Variants in THOC1 observed in about 807,000 individuals in gnomAD.
THOC1 encodes THO complex subunit 1.
A neutral mutation model predicts 97.3 loss-of-function variants in THOC1; 29 were observed. That is an observed-to-expected ratio of 0.30 (90% CI 0.22 to 0.41). The LOEUF is 0.41. Ranked by LOEUF, THOC1 falls within the 10% of genes least tolerant of loss-of-function variation. THOC1 has a pLI of 1.00. For synonymous variants in THOC1, 255 were observed against 257.0 expected (o/e 0.99, Z 0.07); for missense variants, 529 against 761.9 (o/e 0.69, Z 3.60).
At position 263,936 on chromosome 18, in the gene THOC1, T is replaced by C. The variant is rs778740256; in HGVS notation, c.256+90A>G. 5.0e-4 allele frequency: 491 copies of C among 977,878 alleles called. 1 individual carries two copies. Among genetic ancestry groups the C allele is most frequent in the Non-Finnish European group, 7.1e-4 (466 of 656,464 alleles). The allele number at this position is 977,878 out of a possible 1,614,324, so 60.6% of individuals were successfully genotyped here. ...AACTTGAAGAATAAACAAAATCAGA[T>C]AGGTGGAGAAGTATGGGGAGAAGAC... is the stretch of plus-strand genomic sequence containing the variant. On this transcript the variant is annotated intron_variant, in intron 4 of 20. Coordinates refer to ENST00000261600, the MANE Select transcript of THOC1 (RefSeq NM_005131.3).
chr18:265,345 A>G lies in THOC1; in HGVS notation c.147T>C (p.Cys49=), dbSNP rs759832580. 69 of 1,606,230 alleles carry G rather than the reference A, an allele frequency of 4.3e-5. No homozygotes were observed. Among genetic ancestry groups the G allele is most frequent in the Admixed American group, 8.5e-5 (5 of 58,768 alleles). ...QVPGSENEKK[C]TLDQAFRGIL... is the part of the protein sequence containing the mutation. ...TACCTCTGAAAGCTTGGTCAAGGGT[A>G]CATTTTTTTTCATTTTCACTATTAA... is the stretch of plus-strand genomic sequence containing the variant. Residue 49 remains cysteine, a synonymous_variant, in exon 3 of 21, where the codon TGT becomes TGC. Coordinates refer to ENST00000261600, the MANE Select transcript of THOC1 (RefSeq NM_005131.3).
intron 19 of THOC1, chr18:215,802 T>G (rs1910861274): frequency 3.2e-6 from 1 of 316,528 alleles, no homozygotes; most frequent in African/African-American, 2.1e-5. Flanking sequence ...GTTTATTTAG[T>G]AAAGACGGCC....
intron 11 of THOC1, chr18:245,773 T>C (rs919744455): frequency 2.0e-5 from 3 of 152,706 alleles, no homozygotes; most frequent in Non-Finnish European, 4.4e-5. Flanking sequence ...ATATTTATCT[T>C]GTTTCTGGAA....
chr18:251,654 C>CA (rs1431018393), intron 9 of THOC1, among the ~76,000 whole-genome samples: 2 of 152,134 alleles, frequency 1.3e-5, no homozygotes, highest in Non-Finnish European at 2.9e-5. Flanking sequence ...TCTAGGTAGT[C>CA]AGATTCCCTC....
At position 254,446 on chromosome 18, in the gene THOC1, CA is replaced by C; in HGVS notation, c.521-92del. 2 of 774,028 alleles carry C rather than the reference CA, an allele frequency of 2.6e-6. No individual in the cohort carries two copies. Among genetic ancestry groups the C allele is most frequent in the South Asian group, 3.1e-5 (2 of 64,092 alleles). 47.9% of individuals were successfully genotyped at this position (774,028 alleles called of 1,614,324 possible). On this transcript the variant is annotated intron_variant, in intron 7 of 20. Coordinates refer to ENST00000261600, the MANE Select transcript of THOC1 (RefSeq NM_005131.3). This position sits in a 1 kb window ranked among gnomAD's most constrained non-coding sequence, Gnocchi z 4.1. ...TGTCATAATCAAAACTACAAAATGCCAAATCCATAAAGAGCAGTCAAAATTA... is the reference window on the plus strand; with the variant it reads ...TGTCATAATCAAAACTACAAAATGCCAATCCATAAAGAGCAGTCAAAATTA...
At chr18:251,506 A>G (rs937616457) in intron 9 of THOC1, among the ~76,000 whole-genome samples, 7 of 152,286 alleles carry the variant, frequency 4.6e-5, no homozygotes, top group African/African-American at 1.4e-4. Context: ...GGAAGAAATT[A>G]TGGAAAGTCT....
chr18:247,703 T>C (rs1249834560), intron 10 of THOC1, 146 bp downstream of exon 10: 2 of 591,454 alleles, frequency 3.4e-6, no homozygotes, highest in East Asian at 3.1e-5. Context: ...TAAATATTAA[T>C]TTATAATTTC....
At chr18:253,502 C>T (rs1185653934) in intron 8 of THOC1, among the ~76,000 whole-genome samples, 2 of 152,096 alleles carry the variant, frequency 1.3e-5, no homozygotes, top group Non-Finnish European at 2.9e-5. Context: ...TATGAATGAC[C>T]TCATTCTGGA....
chr18:240,066 G>A (rs1363791405), intron 11 of THOC1, among the ~76,000 whole-genome samples: 2 of 152,168 alleles, frequency 1.3e-5, no homozygotes, highest in African/African-American at 4.8e-5. Context: ...CTCATTTCTA[G>A]AGGATCTAAA....
intron 11 of THOC1, among the ~76,000 whole-genome samples, chr18:235,453 C>T (rs1911647887): frequency 6.6e-6 from 1 of 151,956 alleles, no homozygotes; most frequent in Admixed American, 6.6e-5. Context: ...GACATTTTTT[C>T]CATTAATGCA....
At chr18:222,812 T>A (rs1349797700) in intron 17 of THOC1, among the ~76,000 whole-genome samples, 2 of 152,228 alleles carry the variant, frequency 1.3e-5, no homozygotes, top group Non-Finnish European at 2.9e-5. Flanking sequence ...TTTATTATCA[T>A]GTACAGAGAT....
chr18:227,027 G>T, intron 11 of THOC1, 126 bp from the exon 12 acceptor site: 2 of 739,868 alleles, frequency 2.7e-6, no homozygotes, highest in Non-Finnish European at 4.4e-6. Flanking sequence ...TTTGTTGAGA[G>T]TTCACTGCAT....
At chr18:216,711 A>C in intron 18 of THOC1, 78 bp from the exon 19 acceptor site, 1 of 1,467,174 alleles carries the variant, frequency 6.8e-7, no homozygotes, top group Non-Finnish European at 9.0e-7. Flanking sequence ...TGCCATGTGT[A>C]ATTCTGTATT....
rs560636930 is a variant in THOC1, at chr18:233,585, A to AAAATAAAC, written c.919-6692_919-6685dup. On this transcript the variant is annotated intron_variant, in intron 11 of 20. Coordinates refer to ENST00000261600, the MANE Select transcript of THOC1 (RefSeq NM_005131.3). ...GGCAACAAGAGTGAAACTCTGTCTC[A>AAAATAAAC]AAATAAACAAATAAATAAATAATTC... Among the ~76,000 whole-genome samples, 79 of 152,370 alleles carry AAAATAAAC rather than the reference A, an allele frequency of 5.2e-4. 1 individual carries two copies. The East Asian group carries it at 0.012, about 24-fold the overall frequency.
At chr18:266,251 T>G (rs140873670) in intron 1 of THOC1, among the ~76,000 whole-genome samples, 460 of 152,376 alleles carry the variant, frequency 3.0e-3, no homozygotes, top group African/African-American at 0.01. Context: ...GAATTAGATC[T>G]ATCCTAAATG....
chr18:224,839 AATC>A, intron 15 of THOC1, 82 bp downstream of exon 15: 2 of 1,076,972 alleles, frequency 1.9e-6, no homozygotes, highest in Non-Finnish European at 2.8e-6. Flanking sequence ...TACATGCTAT[AATC>A]ATATCGGAGC....
At chr18:256,202 A>G (rs933107959) in intron 7 of THOC1, among the ~76,000 whole-genome samples, 1 of 147,736 alleles carries the variant, frequency 6.8e-6, no homozygotes, top group African/African-American at 2.5e-5. Context: ...CTATAGCTAC[A>G]TAGTGATTTT....
intron 11 of THOC1, among the ~76,000 whole-genome samples, chr18:236,141 T>C (rs548038448): frequency 2.0e-5 from 3 of 152,166 alleles, no homozygotes; most frequent in Non-Finnish European, 4.4e-5. Context: ...GCCTGGTATG[T>C]CTCTTTCCAT....
intron 7 of THOC1, among the ~76,000 whole-genome samples, chr18:257,243 T>C (rs992840275): frequency 6.6e-6 from 1 of 152,220 alleles, no homozygotes; most frequent in Admixed American, 6.5e-5. Flanking sequence ...TGATCCTTAT[T>C]ATTCATGACT....
Sources: gnomAD v4.1 joint callset for allele counts (sites outside exome capture counted in the v4.1 genomes callset) on GRCh38, gnomAD v4.1.1 for gene constraint, Gnocchi (gnomAD v3.1) non-coding constraint, MANE v1.5 for transcripts, NCBI Gene and HGNC (gene_info 2026-07-23, HGNC 2026-07-21) for gene names.